Variants in SCN8A observed in about 807,000 individuals in gnomAD.
SCN8A encodes the protein sodium channel protein type 8 subunit alpha.
A neutral mutation model predicts 184.1 loss-of-function variants in SCN8A; 30 were observed. That is an observed-to-expected ratio of 0.16 (90% confidence interval 0.12 to 0.22). The LOEUF is 0.22. Among genes scored for constraint, SCN8A ranks in the 10% least tolerant of loss-of-function variants. The pLI is 1.00. For missense variants in SCN8A, 1,057 were observed against 2,498.9 expected, an observed-to-expected ratio of 0.42 and a Z score of 12.30; for synonymous variants, 852 against 907.0, an observed-to-expected ratio of 0.94 and a Z score of 1.09.
intron 1 of SCN8A, among the ~76,000 whole-genome samples, chr12:51,605,149 A>G (rs936483717): frequency 6.7e-6 from 1 of 149,980 alleles, no homozygotes; most frequent in African/African-American, 2.5e-5. Context: ...ATTGGGGTAC[A>G]GGTGGTATTT....
chr12:51,615,911 T>C (rs1939826578), intron 1 of SCN8A, among the ~76,000 whole-genome samples: 1 of 152,040 alleles, frequency 6.6e-6, no homozygotes. Context: ...ATTTTTTTTT[T>C]GCAGAGATGA....
chr12:51,684,895 A>G (rs1941394765), intron 3 of SCN8A, among the ~76,000 whole-genome samples: 1 of 152,230 alleles, frequency 6.6e-6, no homozygotes, highest in South Asian at 2.1e-4. Context: ...CCTTATTAAC[A>G]TATGAGAGTG....
At position 51,706,496 on chromosome 12, in the gene SCN8A, C is replaced by T. The variant is rs778136233; in HGVS notation, c.1416C>T (p.Gly472=). 19 of 1,605,474 alleles carry T rather than the reference C, an allele frequency of 1.2e-5. No homozygotes were observed. The highest frequency in any genetic ancestry group is 1.6e-5 in the Non-Finnish European group (19 of 1,176,014). ...AIEEEGEEGG[G]SPRSSSEISK... Reference sequence around the variant, plus strand: ...AGGAAGAAGGTGAAGAAGGAGGGGGCTCCCCTCGGAGCTCTTCTGAAATCT... The same window carrying T: ...AGGAAGAAGGTGAAGAAGGAGGGGGTTCCCCTCGGAGCTCTTCTGAAATCT... Residue 472 remains glycine, a synonymous_variant, in exon 11 of 27, where the codon GGC becomes GGT. Transcript: ENST00000627620.
At chr12:51,709,478 C>T (rs552228419) in intron 11 of SCN8A, among the ~76,000 whole-genome samples, 45 of 152,206 alleles carry the variant, frequency 3.0e-4, no homozygotes, top group African/African-American at 4.8e-4. Flanking sequence ...AGGAGAGTAG[C>T]GATGTTGGAG....
intron 1 of SCN8A, among the ~76,000 whole-genome samples, chr12:51,645,246 A>G (rs1289405580): frequency 5.3e-5 from 7 of 133,302 alleles, no homozygotes; most frequent in South Asian, 2.5e-4. Context: ...CCATCCGGGA[A>G]GTGAGGGGCG....
Position 51,766,042 on chromosome 12 carries a change from G to A in SCN8A, c.2901+15G>A, listed in dbSNP as rs754580733. 1 of 1,607,792 alleles carries A rather than the reference G, an allele frequency of 6.2e-7. No homozygotes were observed. The highest frequency in any genetic ancestry group is 8.5e-7 in the Non-Finnish European group (1 of 1,174,390). On this transcript the variant is annotated intron_variant, in intron 16 of 26. Transcript: ENST00000627620. ...GCAACTTGGTGGTTAGTACTAATTTGTAGATATTTTTGTTCTACACCCTGA... is the reference window on the plus strand; with the variant it reads ...GCAACTTGGTGGTTAGTACTAATTTATAGATATTTTTGTTCTACACCCTGA...
Position 51,774,206 on chromosome 12 carries a change from C to T in SCN8A, c.3663C>T (p.Tyr1221=). The change falls in exon 20 of 27, where the codon TAC becomes TAT. Residue 1221 remains tyrosine (Y), a synonymous_variant. Coordinates refer to ENST00000627620, the MANE Select transcript of SCN8A (RefSeq NM_001330260.2). The part of the protein sequence containing the change: ...SSGALAFEDI[Y]IEQRKTIRTI... ...TCTTTTAGGCCTTCGAGGACATCTA[C>T]ATTGAGCAGAGAAAGACCATCCGCA... is the stretch of plus-strand genomic sequence containing the variant. 3.1e-6 allele frequency: 5 copies of T among 1,613,508 alleles called. No individual in the cohort carries two copies. Among genetic ancestry groups the T allele is most frequent in the Non-Finnish European group, 3.4e-6 (4 of 1,179,588 alleles).
chr12:51,617,745 A>AGCAG (rs1592331824), intron 1 of SCN8A, among the ~76,000 whole-genome samples: 2 of 152,326 alleles, frequency 1.3e-5, no homozygotes, highest in East Asian at 3.9e-4. Flanking sequence ...TATTTGTTTT[A>AGCAG]GCAGGCAATC....
At chr12:51,804,961 A>G (rs1938659801) in intron 26 of SCN8A, among the ~76,000 whole-genome samples, 1 of 152,144 alleles carries the variant, frequency 6.6e-6, no homozygotes, top group Non-Finnish European at 1.5e-5. Context: ...GCATTAGAGA[A>G]TAAGTAAGAC....
intron 12 of SCN8A, among the ~76,000 whole-genome samples, chr12:51,732,905 T>C (rs1186684848): frequency 2.0e-5 from 3 of 152,202 alleles, no homozygotes; most frequent in African/African-American, 7.2e-5. Context: ...TGTATGTTGA[T>C]TTTATGTCCT....
intron 7 of SCN8A, among the ~76,000 whole-genome samples, chr12:51,700,676 C>T (rs1941672328): frequency 6.6e-6 from 1 of 152,082 alleles, no homozygotes; most frequent in East Asian, 1.9e-4. Context: ...GAAAGTGTTG[C>T]AAAGGAGATT....
At chr12:51,721,937 A>G (rs753885822) in intron 12 of SCN8A, 29 bp downstream of exon 12, 1 of 1,599,454 alleles carries the variant, frequency 6.3e-7, no homozygotes, top group African/African-American at 1.3e-5. Flanking sequence ...GCTACCGATG[A>G]CAGTGTAAGG....
rs560048173 is a variant in SCN8A at position 51,798,245 on chromosome 12, C to T, written c.4795+3604C>T. The stretch of plus-strand genomic sequence containing the variant: ...TTCCATGAGCATGAACCCACTGCCG[C>T]ACTTCTTAGCTGTAAAGTGAGTGCC... On this transcript the variant is annotated intron_variant, in intron 26 of 26. Transcript: ENST00000627620. 7.9e-5 allele frequency among the ~76,000 whole-genome samples: 12 copies of T among 152,304 alleles called. No individual in the cohort carries two copies. The South Asian group carries it at 2.5e-3, about 32-fold the overall frequency.
At chr12:51,763,917 T>A (rs1162932576) in intron 15 of SCN8A, among the ~76,000 whole-genome samples, 2 of 152,266 alleles carry the variant, frequency 1.3e-5, no homozygotes, top group African/African-American at 4.8e-5. Context: ...GTGAAACTAT[T>A]TGTAAAACAG....
At position 51,806,164 on chromosome 12, in the gene SCN8A, A is replaced by T; in HGVS notation, c.4796-118A>T. On this transcript the variant is annotated intron_variant, in intron 26 of 26. Transcript: ENST00000627620. The surrounding 1 kb of genome is among the most constrained non-coding windows in gnomAD (Gnocchi z 8.7). ...TTTTGAGAGTTCAGACTGAATAGTA[A>T]GGCACTTATTCTGCAAAGCCCTTTG... is the stretch of plus-strand genomic sequence containing the variant. 1.1e-6 allele frequency: 1 copy of T among 936,460 alleles called. No homozygotes were observed. The highest frequency in any genetic ancestry group is 1.6e-6 in the Non-Finnish European group (1 of 638,518). 58.0% of individuals were successfully genotyped at this position (936,460 alleles called of 1,614,324 possible).
intron 20 of SCN8A, 64 bp from the exon 21 acceptor site, chr12:51,780,585 T>C: frequency 1.3e-5 from 4 of 315,614 alleles, no homozygotes; most frequent in Non-Finnish European, 2.1e-5. Flanking sequence ...TTTTTTTTTT[T>C]TTTTTTTTTT....
Position 51,786,625 on chromosome 12 carries a change from C to T in SCN8A, c.4026C>T (p.Ser1342=). The T allele has an allele frequency of 6.2e-7, 1 of 1,614,150 alleles. No individual in the cohort carries two copies. Among genetic ancestry groups the T allele is most frequent in the South Asian group, 1.1e-5 (1 of 91,078 alleles). Residue 1342 remains serine (S), a synonymous_variant, in exon 22 of 27, where the codon AGC becomes AGT. Coordinates refer to ENST00000627620, the MANE Select transcript of SCN8A (RefSeq NM_001330260.2). ...LVCLIFWLIF[S]IMGVNLFAGK... is the part of the protein sequence containing the mutation. ...GTCTCATCTTCTGGCTGATTTTCAG[C>T]ATCATGGGAGTTAACTTGTTTGCGG... is the stretch of plus-strand genomic sequence containing the variant.
chr12:51,802,341 T>C (rs1399379186), intron 26 of SCN8A, among the ~76,000 whole-genome samples: 1 of 152,146 alleles, frequency 6.6e-6, no homozygotes, highest in Non-Finnish European at 1.5e-5. Context: ...GAGGCTGTTT[T>C]CTCTGGCAAA....
chr12:51,691,951 G>A (rs1941516655), intron 6 of SCN8A, among the ~76,000 whole-genome samples: 1 of 152,202 alleles, frequency 6.6e-6, no homozygotes, highest in African/African-American at 2.4e-5. Context: ...CAAGGCGGGA[G>A]CACCAGTGTA....
Sources: allele counts gnomAD v4.1 joint callset (sites outside exome capture counted in the v4.1 genomes callset), GRCh38; gene constraint gnomAD v4.1.1; non-coding constraint Gnocchi (gnomAD v3.1); transcripts MANE v1.5; gene names NCBI Gene and HGNC (gene_info 2026-07-23, HGNC 2026-07-21).